FNIP1: variants seen among roughly 807,000 people sequenced by gnomAD.
FNIP1 encodes the protein folliculin interacting protein 1.
FNIP1 carries 40 observed loss-of-function variants against 124.5 expected under a neutral mutation model. The ratio of observed to expected loss-of-function variants is 0.32; its 90% CI spans 0.25 to 0.42. FNIP1 has a LOEUF of 0.42. Ranked by LOEUF, FNIP1 falls within the 10% of genes least tolerant of loss-of-function variation. FNIP1 has a pLI of 1.00. For missense variants in FNIP1, 1,176 were observed against 1,403.7 expected (o/e 0.84, Z 2.59); for synonymous variants, 472 against 470.6 (o/e 1.00, Z -0.04).
intron 15 of FNIP1, among the ~76,000 whole-genome samples, chr5:131,661,220 T>TGTGTGTGTGTGTGTGTGTGTGTGTGTGTG (rs1554092139): frequency 2.5e-4 from 37 of 147,736 alleles, no homozygotes; most frequent in African/African-American, 9.1e-4. Context: ...TGTCTTTGTT[T>TGTGTGTGTGTGTGTGTGTGTGTGTGTGTG]TGTGTGTGTG....
At chr5:131,792,679 T>G (rs1238572083) in intron 1 of FNIP1, among the ~76,000 whole-genome samples, 1 of 152,216 alleles carries the variant, frequency 6.6e-6, no homozygotes, top group Non-Finnish European at 1.5e-5. Context: ...CACATCTGAC[T>G]TCATGTGAGG....
chr5:131,645,069 C>T (rs1766827940), intron 17 of FNIP1, among the ~76,000 whole-genome samples: 1 of 152,004 alleles, frequency 6.6e-6, no homozygotes, highest in Non-Finnish European at 1.5e-5. Context: ...CCTGTAATCC[C>T]AACACTTTGG....
chr5:131,706,703 G>A (rs975970030), intron 8 of FNIP1, among the ~76,000 whole-genome samples, 157 bp from the exon 9 acceptor site: 1 of 152,128 alleles, frequency 6.6e-6, no homozygotes, highest in East Asian at 1.9e-4. Context: ...CTTGTAGCAA[G>A]GTCTCAGAGG....
intron 6 of FNIP1, among the ~76,000 whole-genome samples, chr5:131,711,710 G>A (rs1368690534): frequency 1.3e-5 from 2 of 152,168 alleles, no homozygotes; most frequent in Non-Finnish European, 2.9e-5. Context: ...TTGCCAAGTT[G>A]ATCTCAAATT....
intron 2 of FNIP1, among the ~76,000 whole-genome samples, chr5:131,737,657 T>G (rs1220041530): frequency 6.6e-6 from 1 of 152,254 alleles, no homozygotes; most frequent in Non-Finnish European, 1.5e-5. Context: ...ATAATGGTAG[T>G]ACTCTTCTGT....
At chr5:131,751,356 T>A (rs1452356050) in intron 1 of FNIP1, among the ~76,000 whole-genome samples, 1 of 152,132 alleles carries the variant, frequency 6.6e-6, no homozygotes, top group Non-Finnish European at 1.5e-5. Flanking sequence ...TACCTTAGAT[T>A]ATAAATCTAA....
Position 131,672,046 on chromosome 5 carries a change from TTTG to T in FNIP1, c.2395_2397del (p.Gln799del), listed in dbSNP as rs775221814. The T allele has an allele frequency of 2.5e-6, 4 of 1,614,192 alleles. No homozygotes were observed. The Admixed American group carries it at 6.7e-5, about 27-fold the overall frequency. ...GACTCTCCAGATTGGTCCTTGGTTG[TTTG>T]TTTAGTTTCTTGATGCTGATCAATA... On this transcript the variant is annotated inframe_deletion, in exon 14 of 18. Coordinates refer to ENST00000510461, the MANE Select transcript of FNIP1 (RefSeq NM_133372.3).
chr5:131,746,759 T>C (rs1267332540), intron 1 of FNIP1, among the ~76,000 whole-genome samples: 1 of 152,192 alleles, frequency 6.6e-6, no homozygotes, highest in East Asian at 1.9e-4. Context: ...ATGTGTCTTT[T>C]TGGTAGCTTT....
At chr5:131,710,200 T>C (rs570419324) in intron 7 of FNIP1, among the ~76,000 whole-genome samples, 102 of 152,260 alleles carry the variant, frequency 6.7e-4, no homozygotes, top group African/African-American at 2.3e-3. Flanking sequence ...TTTTCTGCAA[T>C]TGGTGAACTA....
intron 11 of FNIP1, among the ~76,000 whole-genome samples, chr5:131,690,001 G>A (rs1018263385): frequency 1.4e-3 from 206 of 152,062 alleles, no homozygotes; most frequent in African/African-American, 4.9e-3. Flanking sequence ...AGGGTGGATC[G>A]CGAGGTCAGG....
intron 17 of FNIP1, among the ~76,000 whole-genome samples, chr5:131,645,908 T>C (rs1766866993): frequency 6.6e-6 from 1 of 152,164 alleles, no homozygotes; most frequent in Non-Finnish European, 1.5e-5. Context: ...TAAATAATAT[T>C]CATTTAAAAA....
At chr5:131,718,745 C>T (rs996512901) in intron 5 of FNIP1, among the ~76,000 whole-genome samples, 14 of 152,170 alleles carry the variant, frequency 9.2e-5, no homozygotes, top group African/African-American at 2.7e-4. Context: ...TGCCCTAAGA[C>T]GGAAATCCAT....
chr5:131,753,016 G>C (rs999198640), intron 1 of FNIP1, among the ~76,000 whole-genome samples: 3 of 152,194 alleles, frequency 2.0e-5, no homozygotes, highest in Non-Finnish European at 2.9e-5. Flanking sequence ...AGGTTGCAGT[G>C]AGCCACGATT....
At chr5:131,781,309 T>A (rs769901311) in intron 1 of FNIP1, among the ~76,000 whole-genome samples, 5 of 152,240 alleles carry the variant, frequency 3.3e-5, no homozygotes, top group Non-Finnish European at 7.3e-5. Flanking sequence ...AGATAACTGA[T>A]GACACTGGCT....
intron 10 of FNIP1, among the ~76,000 whole-genome samples, chr5:131,703,516 C>T (rs775865292): frequency 3.9e-5 from 6 of 152,324 alleles, no homozygotes; most frequent in South Asian, 2.1e-4. Flanking sequence ...ACCTTGGCCT[C>T]GTAATGCTGC....
chr5:131,760,965 G>C (rs879644581), intron 1 of FNIP1, among the ~76,000 whole-genome samples: 1 of 152,098 alleles, frequency 6.6e-6, no homozygotes, highest in Non-Finnish European at 1.5e-5. Flanking sequence ...CAAGAGCCAA[G>C]CCAAAAACAT....
intron 1 of FNIP1, among the ~76,000 whole-genome samples, chr5:131,775,942 T>C (rs1189445614): frequency 6.6e-6 from 1 of 152,240 alleles, no homozygotes; most frequent in East Asian, 1.9e-4. Context: ...TCTTACCTTT[T>C]AAATCTGTGT....
Position 131,671,906 on chromosome 5 carries a change from G to A in FNIP1, c.2538C>T (p.Thr846=). 6.2e-7 allele frequency: 1 copy of A among 1,614,114 alleles called. No individual in the cohort carries two copies. Among genetic ancestry groups the A allele is most frequent in the Non-Finnish European group, 8.5e-7 (1 of 1,180,026 alleles). Residue 846 remains threonine (T), a synonymous_variant, in exon 14 of 18, where the codon ACC becomes ACT. Coordinates refer to ENST00000510461, the MANE Select transcript of FNIP1 (RefSeq NM_133372.3). ...DEYFNDDSIE[T]RTIDDVPFKT... is the part of the protein sequence containing the mutation. ...TAAATGGAACATCATCAATAGTCCT[G>A]GTTTCGATTGAATCATCATTAAAAT...
At chr5:131,681,809 T>TA (rs1435508267) in intron 11 of FNIP1, among the ~76,000 whole-genome samples, 2 of 126,172 alleles carry the variant, frequency 1.6e-5, no homozygotes, top group African/African-American at 5.8e-5. Context: ...GAATAAATTG[T>TA]AAAAGAAAGC....
Sources: allele counts gnomAD v4.1 joint callset (sites outside exome capture counted in the v4.1 genomes callset), GRCh38; gene constraint gnomAD v4.1.1; transcripts MANE v1.5; gene names NCBI Gene and HGNC (gene_info 2026-07-23, HGNC 2026-07-21).